RPS6KC1: variants seen among roughly 807,000 people sequenced by gnomAD.
RPS6KC1 encodes the protein inactive ribosomal protein S6 kinase delta-1.
Under a neutral mutation model 103.8 loss-of-function variants are expected in RPS6KC1, and 54 were observed. The ratio of observed to expected loss-of-function variants is 0.52; its 90% CI spans 0.42 to 0.65. RPS6KC1 has a LOEUF of 0.65. Among genes scored for constraint, RPS6KC1 ranks in the 30% least tolerant of loss-of-function variants. RPS6KC1 has a pLI of 0.00. For missense variants in RPS6KC1, 1,151 were observed against 1,253.8 expected (o/e 0.92, Z 1.24); for synonymous variants, 439 against 438.7 (o/e 1.00, Z -0.01).
At chr1:213,159,126 AC>A (rs761487881) in intron 6 of RPS6KC1, among the ~76,000 whole-genome samples, 13 of 152,102 alleles carry the variant, frequency 8.5e-5, no homozygotes, top group Non-Finnish European at 1.6e-4. Flanking sequence ...TAAAAAAACA[AC>A]CCTTAAACTT....
chr1:213,816,641 C>T, the RPS6KC1 span, among the ~76,000 whole-genome samples: 17 of 152,242 alleles, frequency 1.1e-4, no homozygotes, highest in African/African-American at 3.6e-4. Flanking sequence ...GTTATTCCCC[C>T]CTCTGCTCAC....
chr1:213,583,320 A>G, the RPS6KC1 span, among the ~76,000 whole-genome samples: 1 of 152,196 alleles, frequency 6.6e-6, no homozygotes, highest in Non-Finnish European at 1.5e-5. Context: ...GTTTAGTTTT[A>G]TAAGAAACTG....
chr1:213,326,856 G>A, the RPS6KC1 span, among the ~76,000 whole-genome samples: 1 of 152,088 alleles, frequency 6.6e-6, no homozygotes, highest in Middle Eastern at 3.2e-3. Flanking sequence ...AGACAGATTT[G>A]GGTGTCCTCC....
chr1:213,279,511 C>T (rs2095118688), downstream of RPS6KC1, among the ~76,000 whole-genome samples: 1 of 152,198 alleles, frequency 6.6e-6, no homozygotes, highest in Non-Finnish European at 1.5e-5. Context: ...CTTAAAACCC[C>T]TGGGTCCTAA....
chr1:213,561,706 G>C, the RPS6KC1 span, among the ~76,000 whole-genome samples: 26 of 152,130 alleles, frequency 1.7e-4, no homozygotes, highest in East Asian at 5.0e-3. Context: ...TTGGTATTTG[G>C]GTCCCCCTCA....
At chr1:213,242,443 T>C (rs2094377875) in intron 11 of RPS6KC1, 126 bp from the exon 12 acceptor site, 6 of 1,098,338 alleles carry the variant, frequency 5.5e-6, no homozygotes, top group Non-Finnish European at 8.2e-6. Flanking sequence ...TAATAGCTTC[T>C]AGTACTTAAT....
At chr1:213,519,024 A>T in the RPS6KC1 span, among the ~76,000 whole-genome samples, 3 of 152,202 alleles carry the variant, frequency 2.0e-5, no homozygotes. Flanking sequence ...ATTTTCTCTG[A>T]ATTTTATATA....
intron 8 of RPS6KC1, among the ~76,000 whole-genome samples, chr1:213,202,111 C>G (rs1190279302): frequency 6.6e-6 from 1 of 152,118 alleles, no homozygotes; most frequent in Non-Finnish European, 1.5e-5. Flanking sequence ...TATAAACACA[C>G]TAAGTTACAG....
the RPS6KC1 span, among the ~76,000 whole-genome samples, chr1:213,639,146 A>G: frequency 0.13 from 20,417 of 152,048 alleles, 1,701 homozygotes; most frequent in South Asian, 0.19. Flanking sequence ...TTCCAATTGT[A>G]TGTTGTTACT....
the RPS6KC1 span, among the ~76,000 whole-genome samples, chr1:213,636,283 G>A: frequency 6.6e-6 from 1 of 152,094 alleles, no homozygotes; most frequent in African/African-American, 2.4e-5. Context: ...AAGTTCATAT[G>A]GAACCAAAAA....
chr1:213,720,772 C>A, the RPS6KC1 span, among the ~76,000 whole-genome samples: 1 of 152,214 alleles, frequency 6.6e-6, no homozygotes, highest in Non-Finnish European at 1.5e-5. Flanking sequence ...TGCTTACCCA[C>A]ACATCTTGTG....
the RPS6KC1 span, among the ~76,000 whole-genome samples, chr1:213,318,036 TG>T: frequency 2.0e-5 from 3 of 152,194 alleles, no homozygotes; most frequent in Non-Finnish European, 4.4e-5. Flanking sequence ...TGTGCCTACC[TG>T]GGGGGCAGGG....
chr1:213,428,594 G>GCCTCCCTC, the RPS6KC1 span: 8 of 40,030 alleles, frequency 2.0e-4, no homozygotes, highest in Non-Finnish European at 2.6e-4. Context: ...CTCCCTTCCT[G>GCCTCCCTC]CCTCCCTCCC....
the RPS6KC1 span, among the ~76,000 whole-genome samples, chr1:213,423,917 G>A: frequency 1.3e-5 from 2 of 152,170 alleles, no homozygotes; most frequent in African/African-American, 4.8e-5. Context: ...AATAATACAC[G>A]CGAGTTTGCC....
the RPS6KC1 span, among the ~76,000 whole-genome samples, chr1:213,342,513 G>A: frequency 6.6e-6 from 1 of 152,162 alleles, no homozygotes; most frequent in Non-Finnish European, 1.5e-5. Flanking sequence ...ATGGCTCTTG[G>A]TGCCTCAGAG....
At chr1:213,720,753 A>C in the RPS6KC1 span, among the ~76,000 whole-genome samples, 2 of 152,220 alleles carry the variant, frequency 1.3e-5, no homozygotes, top group Admixed American at 6.5e-5. Context: ...AGAAAAATGA[A>C]GAAACTACTG....
the RPS6KC1 span, among the ~76,000 whole-genome samples, chr1:213,644,362 T>C: frequency 6.6e-6 from 1 of 152,144 alleles, no homozygotes; most frequent in East Asian, 1.9e-4. Context: ...TGAACCTACA[T>C]TGATACATCA....
the RPS6KC1 span, among the ~76,000 whole-genome samples, chr1:213,704,723 T>C: frequency 6.6e-6 from 1 of 152,228 alleles, no homozygotes; most frequent in Non-Finnish European, 1.5e-5. Context: ...GAGTTAGGTA[T>C]TTTATTCTTC....
the RPS6KC1 span, among the ~76,000 whole-genome samples, chr1:213,743,035 G>T: frequency 6.6e-6 from 1 of 152,164 alleles, no homozygotes; most frequent in African/African-American, 2.4e-5. Context: ...CCCATTACTG[G>T]GTATATATCC....
Sources: allele counts gnomAD v4.1 joint callset (sites outside exome capture counted in the v4.1 genomes callset), GRCh38; gene constraint gnomAD v4.1.1; transcripts MANE v1.5; gene names NCBI Gene and HGNC (gene_info 2026-07-23, HGNC 2026-07-21).